Variants in SCN2A observed in about 807,000 individuals in gnomAD.
SCN2A encodes the protein sodium channel protein type 2 subunit alpha.
A neutral mutation model predicts 188.7 loss-of-function variants in SCN2A; 20 were observed. The observed-to-expected ratio is 0.11, with a 90% CI of 0.07 to 0.15. The LOEUF (loss-of-function observed/expected upper bound fraction) is 0.15. Ranked by LOEUF, SCN2A falls within the 10% of genes least tolerant of loss-of-function variation. The probability of loss-of-function intolerance (pLI) is 1.00; values close to 1 mark genes in which losing one functional copy is unlikely to be tolerated. For synonymous variants in SCN2A, 804 were observed against 833.1 expected, an observed-to-expected ratio of 0.97 and a Z score of 0.60; for missense variants, 1,278 against 2,445.0, an observed-to-expected ratio of 0.52 and a Z score of 10.07.
At chr2:165,243,324 C>T (rs892124912) in intron 1 of SCN2A, among the ~76,000 whole-genome samples, 6 of 152,012 alleles carry the variant, frequency 3.9e-5, no homozygotes, top group East Asian at 1.9e-4. Flanking sequence ...ATGTCATGGC[C>T]GGGTGCAGTG....
intron 1 of SCN2A, chr2:165,290,610 C>A: frequency 5.1e-6 from 1 of 196,136 alleles, no homozygotes; most frequent in Non-Finnish European, 9.2e-6. Flanking sequence ...TTTGTTTATT[C>A]TTAATTTATT....
rs1701574080 is a variant in SCN2A at position 165,381,003 on chromosome 2, T to A, written c.4447-90T>A. ...AGATATTAGTAACAATAGAATGAAATGTGGGAGCCAATTTTCACATGATTA... is the reference window on the plus strand; with the variant it reads ...AGATATTAGTAACAATAGAATGAAAAGTGGGAGCCAATTTTCACATGATTA... On this transcript the variant is annotated intron_variant, in intron 24 of 26. Coordinates refer to ENST00000375437, the MANE Select transcript of SCN2A (RefSeq NM_001040142.2). 38 of 871,888 alleles carry A rather than the reference T, an allele frequency of 4.4e-5. No individual in the cohort carries two copies. In the East Asian group the frequency reaches 1.0e-3, roughly 23 times the overall value. 54.0% of individuals were successfully genotyped at this position (871,888 alleles called of 1,614,324 possible).
intron 1 of SCN2A, chr2:165,272,435 A>T (rs1695144100): frequency 6.6e-6 from 1 of 152,104 alleles, no homozygotes; most frequent in Non-Finnish European, 1.5e-5. Context: ...ATTTTATCCC[A>T]GTAGTTGCTA....
At chr2:165,304,399 A>G (rs1697004958) in intron 3 of SCN2A, among the ~76,000 whole-genome samples, 1 of 152,218 alleles carries the variant, frequency 6.6e-6, no homozygotes, top group South Asian at 2.1e-4. Flanking sequence ...CTGGCCAACA[A>G]TATATTTGAA....
intron 23 of SCN2A, among the ~76,000 whole-genome samples, chr2:165,379,108 G>A (rs778303482): frequency 2.0e-5 from 3 of 151,736 alleles, no homozygotes; most frequent in Non-Finnish European, 3.0e-5. Flanking sequence ...TTTGAACAAC[G>A]TATCCTAAAG....
chr2:165,354,782 T>C (rs1004778222), intron 17 of SCN2A, 111 bp downstream of exon 17: 34 of 1,067,470 alleles, frequency 3.2e-5, no homozygotes, highest in Non-Finnish European at 2.7e-5. Flanking sequence ...ATAGAAAATA[T>C]CTGTCTAGCA....
At chr2:165,259,727 T>C (rs1559321030) in intron 1 of SCN2A, among the ~76,000 whole-genome samples, 1 of 152,112 alleles carries the variant, frequency 6.6e-6, no homozygotes, top group Non-Finnish European at 1.5e-5. Context: ...ACCGAATTCT[T>C]GAACCCCTCA....
chr2:165,296,268 T>C, intron 2 of SCN2A, 178 bp downstream of exon 2: 1 of 642,288 alleles, frequency 1.6e-6, no homozygotes, highest in East Asian at 2.8e-5. Context: ...GAAGCACTCA[T>C]TTGAACCTGC....
chr2:165,354,795 A>G (rs1435990062), intron 17 of SCN2A, 124 bp downstream of exon 17: 16 of 942,400 alleles, frequency 1.7e-5, no homozygotes, highest in Non-Finnish European at 2.5e-5. Context: ...GTCTAGCAAT[A>G]TATTTTCCAT....
chr2:165,318,290 G>A (rs1697872698), intron 11 of SCN2A, among the ~76,000 whole-genome samples: 1 of 152,186 alleles, frequency 6.6e-6, no homozygotes, highest in Admixed American at 6.5e-5. Flanking sequence ...GTGTGGTAAA[G>A]AGGGGAGAAG....
chr2:165,328,220 A>C (rs1698466110), intron 13 of SCN2A: 4 of 152,612 alleles, frequency 2.6e-5, no homozygotes, highest in Admixed American at 2.6e-4. Context: ...GACTGTGTAC[A>C]TCACAGACAA....
chr2:165,260,779 C>T (rs1430791557), intron 1 of SCN2A, among the ~76,000 whole-genome samples: 19 of 151,708 alleles, frequency 1.3e-4, no homozygotes, highest in African/African-American at 3.6e-4. Flanking sequence ...CCAGTCTGGC[C>T]GACATGAAGA....
chr2:165,373,820 C>T (rs747740135), intron 21 of SCN2A, among the ~76,000 whole-genome samples: 28 of 152,082 alleles, frequency 1.8e-4, no homozygotes, highest in Non-Finnish European at 2.8e-4. Flanking sequence ...ATCTAACGCT[C>T]ATTTAGAAGG....
At chr2:165,282,342 C>A (rs1695618542) in intron 1 of SCN2A, among the ~76,000 whole-genome samples, 1 of 152,060 alleles carries the variant, frequency 6.6e-6, no homozygotes, top group Non-Finnish European at 1.5e-5. Flanking sequence ...TTGCTTCAGT[C>A]CAGCAACTGG....
intron 21 of SCN2A, among the ~76,000 whole-genome samples, chr2:165,373,717 C>T (rs940949850): frequency 3.9e-5 from 6 of 152,158 alleles, no homozygotes; most frequent in Admixed American, 3.3e-4. Flanking sequence ...TTCACTACTC[C>T]GCTGTGATAC....
intron 1 of SCN2A, among the ~76,000 whole-genome samples, chr2:165,249,831 A>G (rs1016098867): frequency 1.3e-5 from 2 of 152,086 alleles, no homozygotes; most frequent in Admixed American, 6.6e-5. Context: ...CTAACTAGCT[A>G]TGATAAAATT....
chr2:165,259,695 C>T (rs544493964), intron 1 of SCN2A, among the ~76,000 whole-genome samples: 7 of 152,012 alleles, frequency 4.6e-5, no homozygotes, highest in Non-Finnish European at 1.0e-4. Flanking sequence ...CTATTTCTAC[C>T]GCATCTGCAG....
chr2:165,370,401 C>A, intron 20 of SCN2A, 102 bp downstream of exon 20: 1 of 1,149,060 alleles, frequency 8.7e-7, no homozygotes, highest in Non-Finnish European at 1.3e-6. Context: ...CTGTATCAGC[C>A]CAAATATAAA....
At chr2:165,255,248 C>T (rs1694263104) in intron 1 of SCN2A, among the ~76,000 whole-genome samples, 2 of 151,610 alleles carry the variant, frequency 1.3e-5, no homozygotes, top group African/African-American at 4.8e-5. Context: ...TTTTCTTCTT[C>T]TATTTTTTCT....
Sources: allele counts gnomAD v4.1 joint callset (sites outside exome capture counted in the v4.1 genomes callset), GRCh38; gene constraint gnomAD v4.1.1; transcripts MANE v1.5; gene names NCBI Gene and HGNC (gene_info 2026-07-23, HGNC 2026-07-21).